The following TUT4 variants were observed in gnomAD, a reference collection of about 807,000 sequenced individuals.
TUT4 encodes the protein terminal uridylyltransferase 4.
Under a neutral mutation model 192.2 loss-of-function variants are expected in TUT4, and 36 were observed. The observed-to-expected ratio is 0.19, with a 90% CI of 0.14 to 0.25. The LOEUF is 0.25. TUT4 is among the 10% of genes least tolerant of loss of function. TUT4 has a pLI of 1.00. For missense variants in TUT4, 1,493 were observed against 1,957.2 expected (o/e 0.76, Z 4.47); for synonymous variants, 618 against 666.0 (o/e 0.93, Z 1.11).
intron 20 of TUT4, 128 bp downstream of exon 20, chr1:52,458,208 G>A (rs1661509812): frequency 1.7e-6 from 1 of 588,916 alleles, no homozygotes; most frequent in Non-Finnish European, 2.9e-6. Flanking sequence ...TAGCATTAAT[G>A]GAAAGAGAAA....
intron 20 of TUT4, among the ~76,000 whole-genome samples, chr1:52,455,020 C>G (rs1660460092): frequency 6.6e-6 from 1 of 152,222 alleles, no homozygotes. Flanking sequence ...GTGGCTCACA[C>G]TTGTAATCCC....
chr1:52,514,626 T>C (rs761279882), intron 3 of TUT4, among the ~76,000 whole-genome samples: 6 of 152,180 alleles, frequency 3.9e-5, no homozygotes, highest in South Asian at 2.1e-4. Flanking sequence ...TAACCCAGGA[T>C]TGTCTTGTTC....
rs1456102173 is a variant in TUT4 at position 52,551,759 on chromosome 1, CGGT to C, written c.-94+1169_-94+1171del. ...AACCATCCCACAATTCAACACCTCT[CGGT>C]GGTATTCTCTGAATTATCATATCTG... On this transcript the variant is annotated intron_variant, in intron 1 of 29. Coordinates refer to ENST00000257177, the MANE Select transcript of TUT4 (RefSeq NM_001009881.3). Among the ~76,000 whole-genome samples the C allele has an allele frequency of 2.0e-5, 3 of 152,338 alleles. No homozygotes were observed. The East Asian group carries it at 5.8e-4, about 29-fold the overall frequency.
intron 7 of TUT4, among the ~76,000 whole-genome samples, chr1:52,491,911 T>A (rs1671259777): frequency 6.6e-6 from 1 of 152,118 alleles, no homozygotes; most frequent in South Asian, 2.1e-4. Flanking sequence ...TATATAAACA[T>A]ATAAATCCTG....
At chr1:52,445,755 A>G in intron 24 of TUT4, 32 bp downstream of exon 24, 1 of 1,496,896 alleles carries the variant, frequency 6.7e-7, no homozygotes, top group Non-Finnish European at 9.2e-7. Context: ...TAAAAAAAGA[A>G]AAGATTCACA....
Position 52,461,307 on chromosome 1 carries a change from A to G in TUT4, c.3232-84T>C, listed in dbSNP as rs1174645829. ...CAGATTTAAAAGTAAAATACACTCC[A>G]AATACAAAATATATAAATGTAAAAT... On this transcript the variant is annotated intron_variant, in intron 18 of 29. Transcript: ENST00000257177. The G allele has an allele frequency of 3.9e-6, 5 of 1,295,954 alleles. No homozygotes were observed. The East Asian group carries it at 1.2e-4, about 31-fold the overall frequency. 80.3% of individuals were successfully genotyped at this position (1,295,954 alleles called of 1,614,324 possible).
intron 1 of TUT4, among the ~76,000 whole-genome samples, chr1:52,550,895 A>C (rs1290766682): frequency 6.6e-6 from 1 of 152,188 alleles, no homozygotes; most frequent in Non-Finnish European, 1.5e-5. Context: ...TCCTGATTTG[A>C]CATTCTGTAG....
chr1:52,482,026 T>C, intron 9 of TUT4, 103 bp from the exon 10 acceptor site: 1 of 976,942 alleles, frequency 1.0e-6, no homozygotes, highest in Non-Finnish European at 1.4e-6. Flanking sequence ...AAAGTTCAAA[T>C]GACAATGAAA....
At chr1:52,497,273 T>C in intron 4 of TUT4, 90 bp from the exon 5 acceptor site, 5 of 1,287,342 alleles carry the variant, frequency 3.9e-6, no homozygotes, top group South Asian at 3.4e-5. Flanking sequence ...AGAAATAAAC[T>C]AACTCAACAA....
chr1:52,451,124 G>C (rs1570424195), intron 20 of TUT4, among the ~76,000 whole-genome samples: 1 of 152,050 alleles, frequency 6.6e-6, no homozygotes, highest in African/African-American at 2.4e-5. Context: ...AAATAAGCCT[G>C]ACATGGTGGT....
At chr1:52,547,369 G>A (rs1285168138) in intron 1 of TUT4, among the ~76,000 whole-genome samples, 6 of 151,830 alleles carry the variant, frequency 4.0e-5, no homozygotes, top group South Asian at 2.1e-4. Context: ...TGGGTGAAGT[G>A]TCACCCACTA....
chr1:52,454,197 A>G (rs1660222411), intron 20 of TUT4, among the ~76,000 whole-genome samples: 1 of 152,184 alleles, frequency 6.6e-6, no homozygotes, highest in Non-Finnish European at 1.5e-5. Flanking sequence ...AATTCTAGCA[A>G]GTCATTTTGT....
At chr1:52,487,241 T>G (rs937828501) in intron 9 of TUT4, among the ~76,000 whole-genome samples, 1 of 151,984 alleles carries the variant, frequency 6.6e-6, no homozygotes, top group African/African-American at 2.4e-5. Flanking sequence ...AGCCCTGTAG[T>G]TGAAGACCAG....
chr1:52,552,821 CCCG>C (rs1392456194), intron 1 of TUT4, 107 bp downstream of exon 1: 1 of 152,360 alleles, frequency 6.6e-6, no homozygotes, highest in Non-Finnish European at 1.5e-5. Context: ...AGGCCAGGCC[CCCG>C]ACACCTGCGA....
At chr1:52,462,630 T>G (rs1166482028) in intron 16 of TUT4, 1 of 702,860 alleles carries the variant, frequency 1.4e-6, no homozygotes, top group Non-Finnish European at 1.7e-6. Context: ...GAGACATGTA[T>G]GTAAAGCACT....
intron 2 of TUT4, among the ~76,000 whole-genome samples, chr1:52,523,401 T>G (rs1680832555): frequency 1.3e-5 from 2 of 151,790 alleles, no homozygotes; most frequent in Non-Finnish European, 2.9e-5. Context: ...AGGCCAAGAG[T>G]TCAAGACCAG....
intron 20 of TUT4, among the ~76,000 whole-genome samples, chr1:52,453,100 G>T (rs1174767445): frequency 2.0e-5 from 3 of 152,048 alleles, no homozygotes; most frequent in African/African-American, 7.2e-5. Flanking sequence ...AAAACATTTT[G>T]GGGGCTGGGC....
rs1666649779 is a variant in TUT4 at position 52,474,691 on chromosome 1, A to G, written c.2727+141T>C. On this transcript the variant is annotated intron_variant, in intron 13 of 29. Coordinates refer to ENST00000257177, the MANE Select transcript of TUT4 (RefSeq NM_001009881.3). The stretch of plus-strand genomic sequence containing the variant: ...TAAAGGCAACTATATGAAAAACACA[A>G]AAGGTAAAATACATACCAAAATATC... The G allele has an allele frequency of 5.4e-6, 4 of 735,986 alleles. No individual in the cohort carries two copies. In the South Asian group the frequency reaches 7.3e-5, roughly 13 times the overall value. The allele number at this position is 735,986 out of a possible 1,614,324, so 45.6% of individuals were successfully genotyped here.
chr1:52,436,435 G>A (rs776975962), intron 26 of TUT4, among the ~76,000 whole-genome samples: 10 of 152,090 alleles, frequency 6.6e-5, no homozygotes, highest in Admixed American at 2.6e-4. Flanking sequence ...GCAGTGAGCC[G>A]AGATCGCGCC....
Sources: allele counts gnomAD v4.1 joint callset (sites outside exome capture counted in the v4.1 genomes callset), GRCh38; gene constraint gnomAD v4.1.1; transcripts MANE v1.5; gene names NCBI Gene and HGNC (gene_info 2026-07-23, HGNC 2026-07-21).